Variants in ADCK1 observed in about 807,000 individuals in gnomAD.
ADCK1 encodes aarF domain-containing protein kinase 1.
A neutral mutation model predicts 52.3 loss-of-function variants in ADCK1; 41 were observed. That is an observed-to-expected ratio of 0.78 (90% CI 0.61 to 1.02). The LOEUF is 1.02. Among genes scored for constraint, ADCK1 ranks in the 50% least tolerant of loss-of-function variants. The pLI, the probability that ADCK1 is intolerant of heterozygous loss-of-function variation, is 0.00. For missense variants in ADCK1, 658 were observed against 679.5 expected (o/e 0.97, Z 0.35); for synonymous variants, 250 against 274.6 (o/e 0.91, Z 0.89).
chr14:77,910,112 T>C (rs2083759032), intron 7 of ADCK1, among the ~76,000 whole-genome samples: 2 of 152,044 alleles, frequency 1.3e-5, no homozygotes, highest in African/African-American at 4.8e-5. Flanking sequence ...AGTGCTTCAA[T>C]AACCCATTCA....
intron 3 of ADCK1, among the ~76,000 whole-genome samples, chr14:77,851,122 C>CT (rs149170159): frequency 0.2 from 27,880 of 141,528 alleles, 3,653 homozygotes; most frequent in African/African-American, 0.38. Flanking sequence ...ACATTTGGGT[C>CT]TTTTTTTTTT....
chr14:77,882,150 G>C (rs2083040122), intron 4 of ADCK1, among the ~76,000 whole-genome samples: 1 of 146,912 alleles, frequency 6.8e-6, no homozygotes. Context: ...CTGGGGGTGG[G>C]AAAGGGTGGG....
chr14:77,925,219 T>C (rs1310165041), intron 8 of ADCK1, among the ~76,000 whole-genome samples: 2 of 152,234 alleles, frequency 1.3e-5, no homozygotes, highest in Non-Finnish European at 2.9e-5. Flanking sequence ...TAGTTTAGGG[T>C]AGGCTAGCTG....
At chr14:77,916,669 C>G (rs886425304) in intron 7 of ADCK1, among the ~76,000 whole-genome samples, 1 of 152,202 alleles carries the variant, frequency 6.6e-6, no homozygotes, top group East Asian at 1.9e-4. Context: ...AGGCTGGTCT[C>G]AAACTCCTGG....
intron 4 of ADCK1, among the ~76,000 whole-genome samples, chr14:77,874,732 A>C (rs1594988644): frequency 6.6e-6 from 1 of 152,190 alleles, no homozygotes; most frequent in Admixed American, 6.5e-5. Flanking sequence ...ATGAGGGTGA[A>C]CAAGCTACCA....
intron 6 of ADCK1, among the ~76,000 whole-genome samples, chr14:77,905,603 C>T (rs17094040): frequency 0.086 from 13,003 of 151,990 alleles, 722 homozygotes; most frequent in East Asian, 0.15. Context: ...ACAAACAAAC[C>T]CAAGGGAAGA....
intron 5 of ADCK1, among the ~76,000 whole-genome samples, chr14:77,887,949 C>T (rs1462595216): frequency 6.6e-6 from 1 of 152,142 alleles, no homozygotes; most frequent in East Asian, 1.9e-4. Context: ...TCACTCTGGA[C>T]TCTTAGTTTA....
intron 2 of ADCK1, among the ~76,000 whole-genome samples, chr14:77,820,835 C>T (rs1217457741): frequency 6.6e-6 from 1 of 151,962 alleles, no homozygotes; most frequent in African/African-American, 2.4e-5. Flanking sequence ...CTCATCTCAG[C>T]TCACTGCAGC....
intron 3 of ADCK1, among the ~76,000 whole-genome samples, chr14:77,838,478 C>T (rs2082003744): frequency 6.6e-6 from 1 of 152,114 alleles, no homozygotes; most frequent in Admixed American, 6.5e-5. Flanking sequence ...CTCACTGCAG[C>T]CTGGACTTCC....
At chr14:77,842,356 C>T (rs1362412315) in intron 3 of ADCK1, among the ~76,000 whole-genome samples, 1 of 152,072 alleles carries the variant, frequency 6.6e-6, no homozygotes, top group African/African-American at 2.4e-5. Flanking sequence ...GCCTGTTGGT[C>T]TTCACATTGT....
At chr14:77,827,314 T>A (rs948100606) in intron 3 of ADCK1, among the ~76,000 whole-genome samples, 1 of 136,974 alleles carries the variant, frequency 7.3e-6, no homozygotes, top group African/African-American at 2.8e-5. Flanking sequence ...ATTGGGCCAC[T>A]GCACTCCAGC....
chr14:77,850,240 G>A (rs1025059024), intron 3 of ADCK1, among the ~76,000 whole-genome samples: 11 of 152,148 alleles, frequency 7.2e-5, no homozygotes, highest in Non-Finnish European at 1.5e-4. Flanking sequence ...GTCTCTCTTG[G>A]CAAATGTTCC....
chr14:77,821,814 G>A (rs1209756605), intron 2 of ADCK1, among the ~76,000 whole-genome samples: 1 of 147,158 alleles, frequency 6.8e-6, no homozygotes, highest in Non-Finnish European at 1.5e-5. Flanking sequence ...CTGGAAGGCC[G>A]AGCCTGCAGT....
At chr14:77,856,578 T>C (rs2082421066) in intron 3 of ADCK1, among the ~76,000 whole-genome samples, 1 of 81,542 alleles carries the variant, frequency 1.2e-5, no homozygotes. Flanking sequence ...GGGCTTTAGA[T>C]ATGGTAAAGG....
At chr14:77,861,024 G>C (rs1369103343) in intron 4 of ADCK1, among the ~76,000 whole-genome samples, 1 of 152,084 alleles carries the variant, frequency 6.6e-6, no homozygotes, top group South Asian at 2.1e-4. Context: ...AGTCATGGTG[G>C]CCCACCCAGC....
At chr14:77,806,553 A>G (rs10133294) in intron 1 of ADCK1, among the ~76,000 whole-genome samples, 4,464 of 152,206 alleles carry the variant, frequency 0.029, 212 homozygotes, top group African/African-American at 0.1. Context: ...GGCTTTGGTC[A>G]TGGACTTTTT....
chr14:77,868,606 G>A (rs1021214253), intron 4 of ADCK1, among the ~76,000 whole-genome samples: 1 of 152,102 alleles, frequency 6.6e-6, no homozygotes, highest in South Asian at 2.1e-4. Flanking sequence ...TGCACGTGGG[G>A]TGCCTCCCCT....
chr14:77,915,137 A>C (rs1034209066), intron 7 of ADCK1, among the ~76,000 whole-genome samples: 1 of 151,898 alleles, frequency 6.6e-6, no homozygotes, highest in Admixed American at 6.6e-5. Flanking sequence ...CCAGAAGAAA[A>C]CATCTTCTTC....
chr14:77,887,052 T>A (rs766355252), intron 4 of ADCK1, 39 bp from the exon 5 acceptor site: 22 of 1,502,358 alleles, frequency 1.5e-5, no homozygotes, highest in Non-Finnish European at 2.0e-5. Flanking sequence ...CTGAACTGGG[T>A]CATCTTTTTC....
Sources: allele counts gnomAD v4.1 joint callset (sites outside exome capture counted in the v4.1 genomes callset), GRCh38; gene constraint gnomAD v4.1.1; transcripts MANE v1.5; gene names NCBI Gene and HGNC (gene_info 2026-07-23, HGNC 2026-07-21).